KNL1: variants seen among roughly 807,000 people sequenced by gnomAD.
KNL1 encodes the protein outer kinetochore KNL1 complex subunit KNL1.
KNL1 carries 66 observed loss-of-function variants against 201.3 expected under a neutral mutation model. That is an observed-to-expected ratio of 0.33 (90% CI 0.27 to 0.40). KNL1 has a LOEUF of 0.40. Ranked by LOEUF, KNL1 falls within the 10% of genes least tolerant of loss-of-function variation. The pLI is 1.00. For synonymous variants in KNL1, 895 were observed against 899.2 expected (o/e 1.00, Z 0.08); for missense variants, 2,815 against 2,690.5 (o/e 1.05, Z -1.02).
intron 24 of KNL1, 99 bp downstream of exon 24, chr15:40,657,572 CG>C: frequency 1.5e-6 from 1 of 668,318 alleles, no homozygotes; most frequent in Non-Finnish European, 2.7e-6. Flanking sequence ...AAGGTGTAAG[CG>C]GGTGTTATTC....
intron 1 of KNL1, among the ~76,000 whole-genome samples, chr15:40,595,043 A>T (rs1891583575): frequency 6.6e-6 from 1 of 152,208 alleles, no homozygotes; most frequent in Admixed American, 6.5e-5. Context: ...TTGAGGGAGG[A>T]AAAAGTATTG....
At chr15:40,640,259 G>C (rs1218682377) in intron 13 of KNL1, among the ~76,000 whole-genome samples, 2 of 151,724 alleles carry the variant, frequency 1.3e-5, no homozygotes, top group African/African-American at 2.4e-5. Context: ...ACCATGCCCA[G>C]CTAATTTTTG....
rs775089424 is a variant in KNL1, at chr15:40,621,907, A to G, written c.1643A>G (p.Gln548Arg). ...CCTCATGTATCTAAGGAAAGAATAC[A>G]GCAGAGCCTGTCAAATCCTTTGTCT... ...SVPHVSKERI[Q>R]QSLSNPLSIS... The change falls in exon 10 of 26, where the codon CAG (glutamine) becomes CGG (arginine). Residue 548 changes from glutamine (Q) to arginine (R), a missense_variant. Gln to Arg is a conservative substitution (Grantham distance 43). This residue lies in a region of KNL1 where 2,464 missense variants were observed against 2,291.7 expected (regional missense o/e 1.08). Transcript: ENST00000399668. 1.9e-6 allele frequency: 3 copies of G among 1,613,764 alleles called. No homozygotes were observed. The highest frequency in any genetic ancestry group is 1.7e-4 in the Middle Eastern group (1 of 6,056).
chr15:40,604,152 C>CATT (rs1891899945), intron 2 of KNL1, among the ~76,000 whole-genome samples: 1 of 151,182 alleles, frequency 6.6e-6, no homozygotes, highest in Non-Finnish European at 1.5e-5. Context: ...TCATCATCAT[C>CATT]TCATCTAGGG....
chr15:40,640,085 C>CTTTTTTTCTTTTCT (rs1893179569), intron 13 of KNL1, among the ~76,000 whole-genome samples: 1 of 143,672 alleles, frequency 7.0e-6, no homozygotes, highest in African/African-American at 2.6e-5. Flanking sequence ...TCTTTTTTTT[C>CTTTTTTTCTTTTCT]TTTTTTTCTT....
chr15:40,652,784 A>C (rs1001055519), intron 21 of KNL1, among the ~76,000 whole-genome samples: 1 of 147,622 alleles, frequency 6.8e-6, no homozygotes, highest in Non-Finnish European at 1.5e-5. Context: ...AAAAAGAATG[A>C]GGCCCTAACA....
At chr15:40,608,726 CAA>C (rs1892056993) in intron 4 of KNL1, 119 bp from the exon 5 acceptor site, 1 of 613,632 alleles carries the variant, frequency 1.6e-6, no homozygotes, top group Non-Finnish European at 2.7e-6. Flanking sequence ...GTCTGGGCAA[CAA>C]GAGCGAAACT....
At position 40,623,762 on chromosome 15, in the gene KNL1, C is replaced by T; in HGVS notation, c.3498C>T (p.Val1166=). The T allele has an allele frequency of 6.2e-7, 1 of 1,613,860 alleles. No homozygotes were observed. The highest frequency in any genetic ancestry group is 8.5e-7 in the Non-Finnish European group (1 of 1,179,882). Residue 1166 remains valine (V), a synonymous_variant, in exon 10 of 26, where the codon GTC becomes GTT. Transcript: ENST00000399668. ...LFTDNYSDLE[V]TDSHTVFIDC... is the part of the protein sequence containing the mutation. Reference sequence around the variant, plus strand: ...CAGATAATTACAGTGATCTGGAAGTCACCGATTCCCATACTGTTTTCATTG... The same window carrying T: ...CAGATAATTACAGTGATCTGGAAGTTACCGATTCCCATACTGTTTTCATTG...
chr15:40,597,021 A>G (rs965166908), intron 1 of KNL1, among the ~76,000 whole-genome samples: 300 of 133,170 alleles, frequency 2.3e-3, no homozygotes, highest in African/African-American at 5.9e-3. Context: ...AAAAAAAAAA[A>G]GGTACTTGCT....
intron 13 of KNL1, among the ~76,000 whole-genome samples, chr15:40,638,727 A>C (rs1893131526): frequency 6.6e-6 from 1 of 151,766 alleles, no homozygotes; most frequent in Non-Finnish European, 1.5e-5. Context: ...TCCTGATCTC[A>C]GGTGATCCGC....
intron 21 of KNL1, among the ~76,000 whole-genome samples, chr15:40,653,385 C>T (rs2141761544): frequency 6.6e-6 from 1 of 152,208 alleles, no homozygotes; most frequent in South Asian, 2.1e-4. Flanking sequence ...GATGGGGTTT[C>T]ACCATATGTG....
intron 24 of KNL1, 69 bp from the exon 25 acceptor site, chr15:40,659,270 A>G: frequency 1.3e-6 from 2 of 1,486,274 alleles, no homozygotes; most frequent in Admixed American, 3.9e-5. Flanking sequence ...TCTCAAAAAA[A>G]AAAAAAAAGA....
intron 22 of KNL1, among the ~76,000 whole-genome samples, chr15:40,656,185 C>T (rs1043286016): frequency 6.6e-6 from 1 of 152,146 alleles, no homozygotes; most frequent in Non-Finnish European, 1.5e-5. Flanking sequence ...AATCCCAGCA[C>T]TTTGGGAGAC....
chr15:40,645,789 A>G lies in KNL1; in HGVS notation c.6006+17A>G, dbSNP rs770370451. The G allele has an allele frequency of 1.6e-6, 2 of 1,259,818 alleles. No individual in the cohort carries two copies. The highest frequency in any genetic ancestry group is 1.1e-6 in the Non-Finnish European group (1 of 892,116). The allele number at this position is 1,259,818 out of a possible 1,614,324, so 78.0% of individuals were successfully genotyped here. ...TCAGCTCAGGTAATTTGAGACAGTT[A>G]ATATCATAGAAAGAGAGAGATATTA... is the stretch of plus-strand genomic sequence containing the variant. On this transcript the variant is annotated intron_variant, in intron 16 of 25. Coordinates refer to ENST00000399668, the MANE Select transcript of KNL1 (RefSeq NM_144508.5).
At chr15:40,653,207 T>C (rs1386822277) in intron 21 of KNL1, among the ~76,000 whole-genome samples, 1 of 152,164 alleles carries the variant, frequency 6.6e-6, no homozygotes, top group African/African-American at 2.4e-5. Context: ...ATTTATTTTT[T>C]TGAGACAGTC....
intron 13 of KNL1, among the ~76,000 whole-genome samples, chr15:40,640,604 G>A (rs1893199132): frequency 6.6e-6 from 1 of 152,046 alleles, no homozygotes; most frequent in Non-Finnish European, 1.5e-5. Context: ...AAATTAAAAA[G>A]GGGTTCCTGG....
chr15:40,626,998 G>C (rs983023924), intron 10 of KNL1, among the ~76,000 whole-genome samples: 1 of 152,084 alleles, frequency 6.6e-6, no homozygotes, highest in Non-Finnish European at 1.5e-5. Context: ...AGGTTCAAGC[G>C]ATTCTCCTGC....
intron 10 of KNL1, among the ~76,000 whole-genome samples, chr15:40,627,241 G>A (rs370352287): frequency 2.6e-5 from 4 of 152,166 alleles, no homozygotes; most frequent in East Asian, 1.9e-4. Flanking sequence ...TCAGCCAGGC[G>A]CGGTAGCTCA....
intron 19 of KNL1, 144 bp downstream of exon 19, chr15:40,650,727 C>G (rs953371558): frequency 1.5e-6 from 1 of 654,330 alleles, no homozygotes; most frequent in African/African-American, 1.9e-5. Context: ...GAATGGAAAC[C>G]TAGAGTCCAT....
Sources: allele counts gnomAD v4.1 joint callset (sites outside exome capture counted in the v4.1 genomes callset), GRCh38; gene constraint gnomAD v4.1.1; regional missense constraint gnomAD v4.1.1; transcripts MANE v1.5; gene names NCBI Gene and HGNC (gene_info 2026-07-23, HGNC 2026-07-21).